Variants in KLRG1 observed in about 807,000 individuals in gnomAD.
The protein encoded by KLRG1 is killer cell lectin-like receptor subfamily G member 1.
In KLRG1, 16 loss-of-function variants were observed where a neutral mutation model predicts 21.8. That is an observed-to-expected ratio of 0.73 (90% CI 0.50 to 1.11). KLRG1 has a LOEUF of 1.11. KLRG1 is among the 50% of genes most tolerant of loss of function. KLRG1 has a pLI of 0.00. For missense variants in KLRG1, 173 were observed against 218.3 expected (o/e 0.79, Z 1.31); for synonymous variants, 69 against 75.9 (o/e 0.91, Z 0.47).
the KLRG1 span, among the ~76,000 whole-genome samples, chr12:9,116,607 T>C: frequency 6.6e-6 from 1 of 152,208 alleles, no homozygotes; most frequent in Non-Finnish European, 1.5e-5. Context: ...CCTTACTGCC[T>C]TCCAAATATG....
the KLRG1 span, chr12:9,076,836 G>T: frequency 6.2e-7 from 1 of 1,614,020 alleles, no homozygotes; most frequent in Non-Finnish European, 8.5e-7. Context: ...AAAAGCATAG[G>T]CCAGCAGTGC....
chr12:9,184,610 G>A, the KLRG1 span, among the ~76,000 whole-genome samples: 1 of 152,252 alleles, frequency 6.6e-6, no homozygotes, highest in Non-Finnish European at 1.5e-5. Context: ...ATGTGAATGA[G>A]GAGGGATCCC....
At chr12:9,146,461 G>T in the KLRG1 span, among the ~76,000 whole-genome samples, 2 of 151,902 alleles carry the variant, frequency 1.3e-5, no homozygotes, top group Admixed American at 6.6e-5. Context: ...GAATTATTTT[G>T]AATTCTCCAT....
At chr12:9,030,628 G>A in the KLRG1 span, among the ~76,000 whole-genome samples, 3 of 152,022 alleles carry the variant, frequency 2.0e-5, no homozygotes, top group South Asian at 6.2e-4. Context: ...GACTGGTCTC[G>A]AACTCCTAAC....
At chr12:9,033,026 CT>C in the KLRG1 span, among the ~76,000 whole-genome samples, 1 of 152,224 alleles carries the variant, frequency 6.6e-6, no homozygotes, top group African/African-American at 2.4e-5. Context: ...CAAACTCTTT[CT>C]TTACTGCTAT....
At chr12:9,176,878 G>T in the KLRG1 span, among the ~76,000 whole-genome samples, 3 of 152,128 alleles carry the variant, frequency 2.0e-5, no homozygotes, top group African/African-American at 7.2e-5. Context: ...GTATCTAGAG[G>T]TATTGTACCT....
At chr12:9,151,742 G>T in the KLRG1 span, 1 of 1,256,430 alleles carries the variant, frequency 8.0e-7, no homozygotes. Flanking sequence ...ATCTAGAGCA[G>T]ATTGTAATAA....
intron 2 of KLRG1, among the ~76,000 whole-genome samples, chr12:8,993,643 C>A (rs1391503008): frequency 2.6e-5 from 4 of 152,056 alleles, no homozygotes; most frequent in Admixed American, 1.3e-4. Context: ...GAGCCAAGTC[C>A]GACCTTTGAC....
the KLRG1 span, among the ~76,000 whole-genome samples, chr12:9,082,657 T>TGATG: frequency 6.6e-6 from 1 of 152,184 alleles, no homozygotes; most frequent in Non-Finnish European, 1.5e-5. Flanking sequence ...AATCAAGGAA[T>TGATG]GATGACACCT....
the KLRG1 span, chr12:9,070,571 C>T: frequency 1.2e-6 from 2 of 1,612,356 alleles, no homozygotes; most frequent in African/African-American, 2.7e-5. Flanking sequence ...GAGCGGCTCC[C>T]TGTGTAACTG....
the KLRG1 span, chr12:9,077,803 G>C: frequency 6.2e-7 from 1 of 1,614,152 alleles, no homozygotes; most frequent in African/African-American, 1.3e-5. Context: ...GTGCTTCATC[G>C]ATGAAGATGT....
chr12:9,162,578 T>C, the KLRG1 span: 1 of 1,544,374 alleles, frequency 6.5e-7, no homozygotes. Flanking sequence ...TCACTATGAT[T>C]ATGAAGATGG....
At chr12:9,039,592 C>T in the KLRG1 span, among the ~76,000 whole-genome samples, 4 of 152,142 alleles carry the variant, frequency 2.6e-5, no homozygotes, top group African/African-American at 9.7e-5. Flanking sequence ...TGCCCTCTTT[C>T]GGTCAATGCC....
the KLRG1 span, chr12:9,128,135 C>A: frequency 5.3e-6 from 1 of 188,572 alleles, no homozygotes. Flanking sequence ...GCTGGATCAC[C>A]TGGAGAAGAA....
At chr12:9,090,520 G>T in the KLRG1 span, 1 of 1,605,144 alleles carries the variant, frequency 6.2e-7, no homozygotes, top group South Asian at 1.1e-5. Flanking sequence ...GAGAGGGAAG[G>T]AGAACAGAGG....
the KLRG1 span, among the ~76,000 whole-genome samples, chr12:9,027,037 C>A: frequency 6.6e-6 from 1 of 150,698 alleles, no homozygotes; most frequent in East Asian, 1.9e-4. Flanking sequence ...TTTTAATTGA[C>A]AAATAAAAAT....
the KLRG1 span, among the ~76,000 whole-genome samples, chr12:9,184,149 A>G: frequency 2.6e-5 from 4 of 152,226 alleles, no homozygotes; most frequent in Non-Finnish European, 4.4e-5. Flanking sequence ...GTGTGTGTGC[A>G]CCCTGCCTTG....
chr12:9,200,574 T>C, the KLRG1 span: 2 of 778,994 alleles, frequency 2.6e-6, no homozygotes, highest in Non-Finnish European at 2.0e-6. Context: ...TTCCAATGTA[T>C]CAACTTTAAG....
At chr12:9,146,921 T>TTTCC in the KLRG1 span, among the ~76,000 whole-genome samples, 3 of 151,298 alleles carry the variant, frequency 2.0e-5, no homozygotes, top group Admixed American at 2.0e-4. Flanking sequence ...AGATCAACTC[T>TTTCC]TTTCCCAGGC....
Sources: allele counts gnomAD v4.1 joint callset (sites outside exome capture counted in the v4.1 genomes callset), GRCh38; gene constraint gnomAD v4.1.1; transcripts MANE v1.5; gene names NCBI Gene and HGNC (gene_info 2026-07-23, HGNC 2026-07-21).